NAALADL2: variants seen among roughly 807,000 people sequenced by gnomAD.
The protein encoded by NAALADL2 is inactive N-acetylated-alpha-linked acidic dipeptidase-like protein 2.
In NAALADL2, 76 loss-of-function variants were observed where a neutral mutation model predicts 87.2. The ratio of observed to expected loss-of-function variants is 0.87; its 90% confidence interval spans 0.72 to 1.05. NAALADL2 has a LOEUF of 1.05. NAALADL2 is among the 50% of genes least tolerant of loss of function. The pLI, the probability that NAALADL2 is intolerant of heterozygous loss-of-function variation, is 0.00. For synonymous variants in NAALADL2, 354 were observed against 331.0 expected (o/e 1.07, Z -0.75); for missense variants, 1,089 against 945.8 (o/e 1.15, Z -1.99).
At chr3:174,889,483 A>C (rs932885384) in intron 1 of NAALADL2, among the ~76,000 whole-genome samples, 10 of 152,050 alleles carry the variant, frequency 6.6e-5, no homozygotes, top group Non-Finnish European at 1.2e-4. Context: ...CGCCATTGCT[A>C]TTATTTCCCT....
chr3:175,764,325 T>C (rs1226425468), intron 13 of NAALADL2, among the ~76,000 whole-genome samples: 2 of 152,108 alleles, frequency 1.3e-5, no homozygotes, highest in Non-Finnish European at 2.9e-5. Context: ...TTCCAAACAA[T>C]GGCATAATCA....
chr3:175,801,616 C>G (rs983871313), intron 13 of NAALADL2, among the ~76,000 whole-genome samples: 1 of 151,956 alleles, frequency 6.6e-6, no homozygotes, highest in African/African-American at 2.4e-5. Flanking sequence ...AAATATTCTC[C>G]ATTTAGACCT....
chr3:174,757,560 C>A (rs139852258), intron 3 of NAALADL2, among the ~76,000 whole-genome samples: 1 of 151,752 alleles, frequency 6.6e-6, no homozygotes. Context: ...GGCATGATCT[C>A]GGCTCACTGC....
chr3:175,766,613 G>A (rs1415424561), intron 13 of NAALADL2, among the ~76,000 whole-genome samples: 1 of 151,970 alleles, frequency 6.6e-6, no homozygotes, highest in Non-Finnish European at 1.5e-5. Flanking sequence ...AGACATTTTA[G>A]CATTTGTTTC....
Position 175,439,642 on chromosome 3 carries a change from G to A in NAALADL2, c.1091-7587G>A, listed in dbSNP as rs193184930. ...TTATTGGCCGTTTGTATATCTTCTT[G>A]TGAAAAATGTTTTTTCATATTGTTA... On this transcript the variant is annotated intron_variant, in intron 5 of 13. Transcript: ENST00000454872. Among the ~76,000 whole-genome samples, 20 of 150,862 alleles carry A rather than the reference G, an allele frequency of 1.3e-4. No individual in the cohort carries two copies. In the East Asian group the frequency reaches 3.5e-3, roughly 26 times the overall value.
chr3:175,568,418 T>A (rs1034030249), intron 9 of NAALADL2, among the ~76,000 whole-genome samples: 1 of 152,178 alleles, frequency 6.6e-6, no homozygotes. Context: ...TGCAATATGA[T>A]AAAAATTTAA....
At position 175,234,116 on chromosome 3, in the gene NAALADL2, G is replaced by T. The variant is rs1327577669; in HGVS notation, c.731G>T (p.Gly244Val). The change falls in exon 3 of 14, where the codon GGC becomes GTC. Residue 244 changes from glycine (G) to valine (V), a missense_variant. Gly to Val is a moderately radical substitution (Grantham distance 109). Transcript: ENST00000454872. Reference protein sequence around the residue: ...SSSGQCFHPNGQPCSEEARKD... With the variant: ...SSSGQCFHPNVQPCSEEARKD... Reference sequence around the variant, plus strand: ...AGTGGTCAATGCTTTCATCCTAATGGCCAGCCTTGCAGTGAAGAAGCCAGA... The same window carrying T: ...AGTGGTCAATGCTTTCATCCTAATGTCCAGCCTTGCAGTGAAGAAGCCAGA... 4.3e-6 allele frequency: 7 copies of T among 1,613,836 alleles called. No homozygotes were observed. The highest frequency in any genetic ancestry group is 5.9e-6 in the Non-Finnish European group (7 of 1,179,834).
chr3:174,479,922 A>T (rs1014830326), intron 1 of NAALADL2, among the ~76,000 whole-genome samples: 6 of 152,142 alleles, frequency 3.9e-5, no homozygotes, highest in African/African-American at 1.4e-4. Context: ...TGGGAATCAA[A>T]GAAGTTTATG....
chr3:174,671,577 A>G (rs1331058842), intron 2 of NAALADL2, among the ~76,000 whole-genome samples: 1 of 152,070 alleles, frequency 6.6e-6, no homozygotes. Flanking sequence ...ATTAGGCACA[A>G]TGATGTGATG....
intron 3 of NAALADL2, among the ~76,000 whole-genome samples, chr3:175,248,519 C>A (rs995422714): frequency 2.2e-4 from 34 of 151,942 alleles, no homozygotes; most frequent in African/African-American, 7.5e-4. Context: ...CTTGAAGCTC[C>A]AAATACAAAT....
intron 2 of NAALADL2, among the ~76,000 whole-genome samples, chr3:175,183,359 A>G (rs533303670): frequency 9.9e-4 from 150 of 152,080 alleles, no homozygotes; most frequent in African/African-American, 3.4e-3. Context: ...TCTGACAAGG[A>G]CTTCCAGTAC....
intron 4 of NAALADL2, among the ~76,000 whole-genome samples, chr3:175,278,050 T>G (rs964333671): frequency 6.6e-6 from 1 of 152,094 alleles, no homozygotes; most frequent in African/African-American, 2.4e-5. Flanking sequence ...GGCGTGAACC[T>G]GGGAGGCGGA....
intron 5 of NAALADL2, among the ~76,000 whole-genome samples, chr3:175,405,660 T>C (rs924597999): frequency 4.6e-5 from 7 of 152,188 alleles, no homozygotes; most frequent in African/African-American, 1.7e-4. Context: ...ATAATTTCTT[T>C]ACACACATTT....
At chr3:174,501,830 G>A (rs1381497422) in intron 1 of NAALADL2, among the ~76,000 whole-genome samples, 3 of 151,504 alleles carry the variant, frequency 2.0e-5, no homozygotes, top group Admixed American at 1.3e-4. Flanking sequence ...TGTTCTCCAC[G>A]TAATTCTTTC....
intron 1 of NAALADL2, among the ~76,000 whole-genome samples, chr3:175,087,501 G>C (rs888373989): frequency 2.6e-5 from 4 of 152,226 alleles, no homozygotes; most frequent in African/African-American, 9.6e-5. Flanking sequence ...AGAGAAATCA[G>C]ATTGTTACGG....
chr3:174,977,635 G>A (rs1392002734), intron 1 of NAALADL2, among the ~76,000 whole-genome samples: 1 of 152,098 alleles, frequency 6.6e-6, no homozygotes, highest in African/African-American at 2.4e-5. Flanking sequence ...AATATAAAAG[G>A]CCTGTTACCT....
intron 1 of NAALADL2, among the ~76,000 whole-genome samples, chr3:174,969,479 C>T (rs1743317277): frequency 1.3e-5 from 2 of 152,156 alleles, no homozygotes; most frequent in Non-Finnish European, 2.9e-5. Context: ...AGCAATCTCT[C>T]AATAAATAAT....
chr3:175,440,673 C>T (rs1410475208), intron 5 of NAALADL2, among the ~76,000 whole-genome samples: 8 of 151,924 alleles, frequency 5.3e-5, no homozygotes, highest in Non-Finnish European at 7.4e-5. Context: ...GTTCTTGATT[C>T]GATTCTCAGC....
At chr3:174,660,483 C>T (rs9863265) in intron 2 of NAALADL2, among the ~76,000 whole-genome samples, 12,503 of 152,060 alleles carry the variant, frequency 0.082, 1,769 homozygotes, top group African/African-American at 0.29. Flanking sequence ...TTCACAATGA[C>T]AATATTTCTT....
Sources: allele counts gnomAD v4.1 joint callset (sites outside exome capture counted in the v4.1 genomes callset), GRCh38; gene constraint gnomAD v4.1.1; transcripts MANE v1.5; gene names NCBI Gene and HGNC (gene_info 2026-07-23, HGNC 2026-07-21).